BBS9: variants seen among roughly 807,000 people sequenced by gnomAD.
BBS9 encodes the protein Bardet-Biedl syndrome 9.
In BBS9, 89 loss-of-function variants were observed where a neutral mutation model predicts 117.7. That is an observed-to-expected ratio of 0.76 (90% CI 0.64 to 0.90). BBS9 has a LOEUF of 0.90. Ranked by LOEUF, BBS9 falls within the 40% of genes least tolerant of loss-of-function variation. The pLI is 0.00. For missense variants in BBS9, 982 were observed against 1,042.2 expected, an observed-to-expected ratio of 0.94 and a Z score of 0.80; for synonymous variants, 379 against 370.9, an observed-to-expected ratio of 1.02 and a Z score of -0.25.
intron 21 of BBS9, among the ~76,000 whole-genome samples, chr7:33,631,636 C>G (rs897701934): frequency 6.6e-6 from 1 of 152,206 alleles, no homozygotes; most frequent in Non-Finnish European, 1.5e-5. Flanking sequence ...AGTGGTGGCC[C>G]AGACTCATCC....
chr7:33,239,833 C>T (rs1400469516), intron 5 of BBS9, among the ~76,000 whole-genome samples: 2 of 151,870 alleles, frequency 1.3e-5, no homozygotes, highest in African/African-American at 4.8e-5. Flanking sequence ...AATGTAGACC[C>T]CATCTCTAAA....
At position 33,417,585 on chromosome 7, in the gene BBS9, T is replaced by C. The variant is rs935727080; in HGVS notation, c.2115+29441T>C. Among the ~76,000 whole-genome samples, 11 of 152,340 alleles carry C rather than the reference T, an allele frequency of 7.2e-5. No homozygotes were observed. In the South Asian group the frequency reaches 1.0e-3, roughly 14 times the overall value. On this transcript the variant is annotated intron_variant, in intron 19 of 22. Coordinates refer to ENST00000242067, the MANE Select transcript of BBS9 (RefSeq NM_198428.3). Reference sequence around the variant, plus strand: ...AAAATGCTGAGTTAAGAAGGATTCTTAGGTTTATCCAGGCTCTAAGACAAA... The same window carrying C: ...AAAATGCTGAGTTAAGAAGGATTCTCAGGTTTATCCAGGCTCTAAGACAAA...
chr7:33,499,420 C>T (rs1272750025), intron 19 of BBS9, among the ~76,000 whole-genome samples: 1 of 152,160 alleles, frequency 6.6e-6, no homozygotes, highest in East Asian at 1.9e-4. Context: ...TTGCATTCTT[C>T]CCTAGGGGAT....
chr7:33,247,563 T>G (rs1758724948), intron 5 of BBS9, among the ~76,000 whole-genome samples: 1 of 152,198 alleles, frequency 6.6e-6, no homozygotes. Flanking sequence ...TTTCTCAACC[T>G]GCAAGACCCA....
intron 4 of BBS9, among the ~76,000 whole-genome samples, chr7:33,157,367 A>G (rs913844456): frequency 6.6e-6 from 1 of 152,224 alleles, no homozygotes; most frequent in Non-Finnish European, 1.5e-5. Flanking sequence ...TGGTGATTTT[A>G]TAGCTCTTTT....
intron 21 of BBS9, among the ~76,000 whole-genome samples, chr7:33,601,705 C>T (rs1863823490): frequency 6.6e-6 from 1 of 152,058 alleles, no homozygotes; most frequent in African/African-American, 2.4e-5. Context: ...TGTGGACTTA[C>T]CTCCCATTGC....
intron 5 of BBS9, among the ~76,000 whole-genome samples, chr7:33,206,896 GA>G (rs1787039900): frequency 6.6e-6 from 1 of 151,984 alleles, no homozygotes; most frequent in Non-Finnish European, 1.5e-5. Context: ...TTTTAATTTG[GA>G]AAATTTCCTC....
intron 19 of BBS9, among the ~76,000 whole-genome samples, chr7:33,493,146 C>T (rs918167407): frequency 3.9e-5 from 6 of 152,042 alleles, no homozygotes; most frequent in Non-Finnish European, 7.4e-5. Flanking sequence ...AGGCATGAGC[C>T]ACTATGCCCG....
At chr7:33,255,409 G>A (rs1280162941) in intron 5 of BBS9, among the ~76,000 whole-genome samples, 1 of 142,124 alleles carries the variant, frequency 7.0e-6, no homozygotes, top group Admixed American at 7.3e-5. Flanking sequence ...TGAAGAGACT[G>A]TTCTTTCACC....
At chr7:33,379,353 C>A (rs1038270875) in intron 17 of BBS9, among the ~76,000 whole-genome samples, 1 of 152,114 alleles carries the variant, frequency 6.6e-6, no homozygotes, top group South Asian at 2.1e-4. Context: ...GATTGTAATA[C>A]ATTTTCACTG....
At chr7:33,633,602 C>T (rs1011650756) in intron 21 of BBS9, among the ~76,000 whole-genome samples, 4 of 148,880 alleles carry the variant, frequency 2.7e-5, no homozygotes, top group African/African-American at 7.4e-5. Context: ...ATACAGTTCT[C>T]CTGTGATCTT....
chr7:33,268,264 G>A (rs59075362), intron 7 of BBS9, among the ~76,000 whole-genome samples: 12,858 of 152,228 alleles, frequency 0.084, 580 homozygotes, highest in South Asian at 0.13. Flanking sequence ...CTGAATATTT[G>A]AGGGCACTCT....
chr7:33,284,273 A>G (rs1241867137), intron 9 of BBS9, among the ~76,000 whole-genome samples: 1 of 151,898 alleles, frequency 6.6e-6, no homozygotes, highest in Non-Finnish European at 1.5e-5. Flanking sequence ...TCCTCATTCA[A>G]TTTCCTTTTT....
At chr7:33,519,177 T>C (rs1029227070) in intron 20 of BBS9, among the ~76,000 whole-genome samples, 1 of 152,204 alleles carries the variant, frequency 6.6e-6, no homozygotes, top group Non-Finnish European at 1.5e-5. Context: ...CTGAGTTCAG[T>C]CATTCCTTGT....
intron 10 of BBS9, among the ~76,000 whole-genome samples, chr7:33,339,154 C>T (rs1298437022): frequency 6.6e-6 from 1 of 152,160 alleles, no homozygotes; most frequent in Non-Finnish European, 1.5e-5. Flanking sequence ...GTTGGCTTGG[C>T]AGTTCCACAG....
intron 17 of BBS9, among the ~76,000 whole-genome samples, chr7:33,379,531 G>GAA (rs1824554117): frequency 6.6e-6 from 1 of 152,016 alleles, no homozygotes; most frequent in African/African-American, 2.4e-5. Context: ...AATTTTCTTT[G>GAA]AAAAATTAGC....
chr7:33,560,095 C>T (rs1179639581), intron 21 of BBS9, among the ~76,000 whole-genome samples: 1 of 152,154 alleles, frequency 6.6e-6, no homozygotes, highest in Non-Finnish European at 1.5e-5. Context: ...CTCTGTTTCC[C>T]TTAACCCAAC....
At chr7:33,353,146 T>G (rs554109916) in intron 15 of BBS9, among the ~76,000 whole-genome samples, 5 of 152,310 alleles carry the variant, frequency 3.3e-5, no homozygotes, top group African/African-American at 1.2e-4. Flanking sequence ...AAAGGTGTTA[T>G]TGACAACTTA....
At chr7:33,413,124 A>G (rs931355257) in intron 19 of BBS9, among the ~76,000 whole-genome samples, 3 of 152,190 alleles carry the variant, frequency 2.0e-5, no homozygotes, top group Non-Finnish European at 4.4e-5. Flanking sequence ...ATAGCCTTCA[A>G]TCAAGAACTG....
Sources: allele counts gnomAD v4.1 joint callset (sites outside exome capture counted in the v4.1 genomes callset), GRCh38; gene constraint gnomAD v4.1.1; transcripts MANE v1.5; gene names NCBI Gene and HGNC (gene_info 2026-07-23, HGNC 2026-07-21).